The following AGBL3 variants were observed in gnomAD, a reference collection of about 807,000 sequenced individuals.
AGBL3 encodes AGBL carboxypeptidase 3.
AGBL3 carries 68 observed loss-of-function variants against 94.5 expected under a neutral mutation model. That is an observed-to-expected ratio of 0.72 (90% CI 0.59 to 0.88). The LOEUF (loss-of-function observed/expected upper bound fraction) is 0.88, where lower values mean the gene tolerates loss of function less well. Ranked by LOEUF, AGBL3 falls within the 40% of genes least tolerant of loss-of-function variation. AGBL3 has a pLI of 0.00. For synonymous variants in AGBL3, 354 were observed against 370.7 expected, an observed-to-expected ratio of 0.95 and a Z score of 0.52; for missense variants, 934 against 1,103.8, an observed-to-expected ratio of 0.85 and a Z score of 2.18.
chr7:135,101,035 T>C (rs1397596744), intron 15 of AGBL3: 1 of 373,658 alleles, frequency 2.7e-6, no homozygotes, highest in African/African-American at 2.1e-5. Flanking sequence ...CTTACATGAG[T>C]AGCTTACTGT....
chr7:135,134,966 C>T lies in AGBL3; in HGVS notation c.2468C>T (p.Pro823Leu), dbSNP rs1829272552. 1 of 1,551,062 alleles carries T rather than the reference C, an allele frequency of 6.4e-7. No individual in the cohort carries two copies. Among genetic ancestry groups the T allele is most frequent in the African/African-American group, 1.4e-5 (1 of 73,056 alleles). Residue 823 changes from proline (P) to leucine (L), a missense_variant, in exon 17 of 17, where the codon CCC becomes CTC. Transcript: ENST00000436302. Reference protein sequence around the residue: ...ANSSEWVQSKPHRSLESLSPL... With the variant: ...ANSSEWVQSKLHRSLESLSPL... ...TCTTCAGAATGGGTCCAGTCTAAGC[C>T]CCACAGGTCATTGGAAAGTTTATCA...
chr7:135,012,194 G>GGCAAA (rs1196679169), intron 4 of AGBL3: 1 of 152,032 alleles, frequency 6.6e-6, no homozygotes, highest in African/African-American at 2.4e-5. Context: ...TTCAAATATA[G>GGCAAA]GCAAAGCAAA....
intron 3 of AGBL3, 69 bp from the exon 4 acceptor site, chr7:134,993,424 A>G (rs2133374328): frequency 7.7e-7 from 1 of 1,290,924 alleles, no homozygotes; most frequent in Non-Finnish European, 1.0e-6. Context: ...AAAAGGAACT[A>G]TATAAAAATT....
At chr7:135,091,365 CCA>C (rs1821831730) in intron 15 of AGBL3, among the ~76,000 whole-genome samples, 1 of 152,136 alleles carries the variant, frequency 6.6e-6, no homozygotes, top group Non-Finnish European at 1.5e-5. Context: ...TACTCAAGTC[CCA>C]CAGTCAGCCC....
At chr7:135,027,656 C>T (rs1361726935) in intron 5 of AGBL3, among the ~76,000 whole-genome samples, 1 of 151,438 alleles carries the variant, frequency 6.6e-6, no homozygotes, top group African/African-American at 2.4e-5. Context: ...ATATAGAATT[C>T]TGAGTTGGCT....
chr7:135,101,577 A>C (rs763328478), intron 15 of AGBL3, among the ~76,000 whole-genome samples: 6 of 152,146 alleles, frequency 3.9e-5, no homozygotes, highest in Admixed American at 1.3e-4. Flanking sequence ...CCCGCCAAGA[A>C]AATAAAAAGA....
chr7:135,093,170 A>T (rs1307965686), intron 15 of AGBL3: 1 of 151,928 alleles, frequency 6.6e-6, no homozygotes, highest in Non-Finnish European at 1.5e-5. Context: ...CAACATTATA[A>T]TGAAGGCTTC....
intron 11 of AGBL3, among the ~76,000 whole-genome samples, chr7:135,051,318 T>A (rs1817855916): frequency 6.8e-6 from 1 of 148,112 alleles, no homozygotes; most frequent in Non-Finnish European, 1.5e-5. Flanking sequence ...GTTTATATAA[T>A]ATTGGATGTG....
At chr7:134,994,670 A>G (rs1350299079) in intron 4 of AGBL3, among the ~76,000 whole-genome samples, 1 of 152,196 alleles carries the variant, frequency 6.6e-6, no homozygotes, top group African/African-American at 2.4e-5. Context: ...GGAGTTCTTA[A>G]AAACTAAATT....
chr7:135,101,369 A>G (rs1486122489), intron 15 of AGBL3: 1 of 387,690 alleles, frequency 2.6e-6, no homozygotes, highest in Non-Finnish European at 5.2e-6. Context: ...AACTTGGATT[A>G]TGGGAACTAC....
chr7:135,087,009 C>G (rs1032201752), intron 15 of AGBL3, among the ~76,000 whole-genome samples: 6 of 151,924 alleles, frequency 3.9e-5, no homozygotes, highest in African/African-American at 4.8e-5. Context: ...CTTTTTATTA[C>G]AGATTCAATC....
At chr7:135,071,361 C>G (rs1175266426) in intron 12 of AGBL3, among the ~76,000 whole-genome samples, 7 of 152,010 alleles carry the variant, frequency 4.6e-5, no homozygotes, top group Admixed American at 4.6e-4. Flanking sequence ...GATTCAATGC[C>G]ATCCCCATCA....
At chr7:135,115,852 A>G in intron 16 of AGBL3, 1 of 410,436 alleles carries the variant, frequency 2.4e-6, no homozygotes, top group Admixed American at 4.1e-5. Flanking sequence ...ATTTAGATCT[A>G]TTAATAAAGT....
intron 15 of AGBL3, among the ~76,000 whole-genome samples, chr7:135,097,645 CT>C (rs1272035386): frequency 6.6e-6 from 1 of 152,070 alleles, no homozygotes; most frequent in Non-Finnish European, 1.5e-5. Context: ...GACATTGAGG[CT>C]TTTATAATAA....
At chr7:135,053,128 T>A (rs1818031457) in intron 11 of AGBL3, among the ~76,000 whole-genome samples, 1 of 152,178 alleles carries the variant, frequency 6.6e-6, no homozygotes, top group Non-Finnish European at 1.5e-5. Flanking sequence ...TTTTAAGAAC[T>A]TTGCATGCAG....
At chr7:135,112,735 C>T (rs1005332694) in intron 15 of AGBL3, among the ~76,000 whole-genome samples, 2 of 152,184 alleles carry the variant, frequency 1.3e-5, no homozygotes, top group Admixed American at 6.5e-5. Context: ...ATTTACCAAA[C>T]AAAAATAGTG....
intron 15 of AGBL3, among the ~76,000 whole-genome samples, chr7:135,084,345 T>C (rs1821163127): frequency 6.6e-6 from 1 of 152,164 alleles, no homozygotes; most frequent in African/African-American, 2.4e-5. Flanking sequence ...TTGTGTTTGG[T>C]ACATTCAAAA....
At chr7:135,081,961 T>G (rs1280176170) in intron 15 of AGBL3, among the ~76,000 whole-genome samples, 171 bp downstream of exon 15, 1 of 152,206 alleles carries the variant, frequency 6.6e-6, no homozygotes, top group African/African-American at 2.4e-5. Context: ...CATCTCATTG[T>G]CTAATCTTTT....
At chr7:135,098,730 A>G (rs1021161181) in intron 15 of AGBL3, among the ~76,000 whole-genome samples, 1 of 152,240 alleles carries the variant, frequency 6.6e-6, no homozygotes, top group Non-Finnish European at 1.5e-5. Context: ...GGCTGCAGGC[A>G]GTTCAGAGAA....
Sources: allele counts gnomAD v4.1 joint callset (sites outside exome capture counted in the v4.1 genomes callset), GRCh38; gene constraint gnomAD v4.1.1; transcripts MANE v1.5; gene names NCBI Gene and HGNC (gene_info 2026-07-23, HGNC 2026-07-21).